SLC4A10: variants seen among roughly 807,000 people sequenced by gnomAD.
SLC4A10 encodes solute carrier family 4 member 10.
SLC4A10 carries 42 observed loss-of-function variants against 137.7 expected under a neutral mutation model. The ratio of observed to expected loss-of-function variants is 0.30; its 90% CI spans 0.24 to 0.39. The LOEUF (loss-of-function observed/expected upper bound fraction) is 0.39, where lower values mean the gene tolerates loss of function less well. Among genes scored for constraint, SLC4A10 ranks in the 10% least tolerant of loss-of-function variants. SLC4A10 has a pLI of 1.00. For missense variants in SLC4A10, 925 were observed against 1,355.0 expected (o/e 0.68, Z 4.98); for synonymous variants, 474 against 464.1 (o/e 1.02, Z -0.27).
chr2:161,819,571 T>C (rs2057432964), intron 3 of SLC4A10, among the ~76,000 whole-genome samples: 1 of 151,998 alleles, frequency 6.6e-6, no homozygotes, highest in East Asian at 1.9e-4. Context: ...CTTGGCTCAC[T>C]GCAACCTCTG....
chr2:161,678,701 T>C (rs1357606687), intron 1 of SLC4A10, among the ~76,000 whole-genome samples: 1 of 152,158 alleles, frequency 6.6e-6, no homozygotes, highest in African/African-American at 2.4e-5. Context: ...TTGAGTTTCA[T>C]ATACACTGAA....
At chr2:161,836,502 G>T (rs1306471085) in intron 3 of SLC4A10, among the ~76,000 whole-genome samples, 1 of 114,504 alleles carries the variant, frequency 8.7e-6, no homozygotes, top group Non-Finnish European at 1.8e-5. Flanking sequence ...AGAAAAGGAA[G>T]AAAAAGAAAG....
chr2:161,765,329 G>A (rs1305348492), intron 1 of SLC4A10, among the ~76,000 whole-genome samples: 1 of 152,082 alleles, frequency 6.6e-6, no homozygotes, highest in Non-Finnish European at 1.5e-5. Flanking sequence ...CAATGGGGCT[G>A]GGCGTGGTGG....
At chr2:161,918,690 C>T (rs1321336948) in intron 15 of SLC4A10, among the ~76,000 whole-genome samples, 2 of 152,170 alleles carry the variant, frequency 1.3e-5, no homozygotes, top group Non-Finnish European at 2.9e-5. Context: ...CCTACTTCAC[C>T]TTGTTCCTTT....
intron 1 of SLC4A10, among the ~76,000 whole-genome samples, chr2:161,631,011 G>A (rs543356601): frequency 6.6e-6 from 1 of 151,796 alleles, no homozygotes; most frequent in African/African-American, 2.4e-5. Flanking sequence ...AAAGTACTCT[G>A]ATACAAGGTG....
chr2:161,813,375 C>T (rs892977466), intron 3 of SLC4A10, among the ~76,000 whole-genome samples: 10 of 152,010 alleles, frequency 6.6e-5, no homozygotes, highest in African/African-American at 2.4e-4. Context: ...CTGCCAGGGG[C>T]AGCATAGTTG....
At chr2:161,880,523 T>C (rs1174285586) in intron 9 of SLC4A10, among the ~76,000 whole-genome samples, 2 of 152,094 alleles carry the variant, frequency 1.3e-5, no homozygotes, top group African/African-American at 4.8e-5. Context: ...ACTGTTCAGA[T>C]TATAGAAAGA....
intron 1 of SLC4A10, among the ~76,000 whole-genome samples, chr2:161,647,521 A>T (rs1327871094): frequency 6.6e-6 from 1 of 152,070 alleles, no homozygotes; most frequent in Non-Finnish European, 1.5e-5. Flanking sequence ...AGTATTATAG[A>T]TATACACCAA....
At chr2:161,863,198 T>C in intron 6 of SLC4A10, 136 bp downstream of exon 6, 2 of 817,742 alleles carry the variant, frequency 2.4e-6, no homozygotes, top group Non-Finnish European at 3.6e-6. Context: ...TCTTTTCACA[T>C]GAGTATATAT....
rs149726360 is a variant in SLC4A10, at chr2:161,748,995, C to A, written c.49-21978C>A. 1.9e-4 allele frequency among the ~76,000 whole-genome samples: 29 copies of A among 151,738 alleles called. No individual in the cohort carries two copies. In the East Asian group the frequency reaches 5.2e-3, roughly 27 times the overall value. Reference sequence around the variant, plus strand: ...TTTTCAGTGTACAGATCTTTTAGTTCTTTGATTAAATTTATTCCTAAGTAT... The same window carrying A: ...TTTTCAGTGTACAGATCTTTTAGTTATTTGATTAAATTTATTCCTAAGTAT... On this transcript the variant is annotated intron_variant, in intron 1 of 26. Transcript: ENST00000446997.
chr2:161,706,840 A>G (rs2043726187), intron 1 of SLC4A10, among the ~76,000 whole-genome samples: 1 of 151,542 alleles, frequency 6.6e-6, no homozygotes, highest in South Asian at 2.1e-4. Context: ...TCTGATCCCT[A>G]GATTAGGGTA....
chr2:161,682,072 C>T (rs1403448932), intron 1 of SLC4A10, among the ~76,000 whole-genome samples: 2 of 152,096 alleles, frequency 1.3e-5, no homozygotes, highest in Non-Finnish European at 2.9e-5. Flanking sequence ...CTCATCCTTA[C>T]TTTGTCCATT....
At chr2:161,966,323 A>G (rs146351955) in intron 23 of SLC4A10, among the ~76,000 whole-genome samples, 221 of 152,314 alleles carry the variant, frequency 1.5e-3, no homozygotes, top group African/African-American at 5.1e-3. Flanking sequence ...ATTTTTCCAA[A>G]TATTGTAGAA....
intron 1 of SLC4A10, among the ~76,000 whole-genome samples, chr2:161,739,359 T>G (rs1401860227): frequency 6.6e-6 from 1 of 152,204 alleles, no homozygotes; most frequent in Non-Finnish European, 1.5e-5. Flanking sequence ...CCTCCTATTT[T>G]GGCCAACCAA....
intron 2 of SLC4A10, among the ~76,000 whole-genome samples, chr2:161,776,650 A>G (rs2052372133): frequency 6.6e-6 from 1 of 151,942 alleles, no homozygotes; most frequent in Admixed American, 6.6e-5. Context: ...TGTGGTTGTG[A>G]ACATAGATGT....
intron 3 of SLC4A10, among the ~76,000 whole-genome samples, chr2:161,808,979 T>G (rs34935338): frequency 0.26 from 39,671 of 152,042 alleles, 7,639 homozygotes; most frequent in African/African-American, 0.55. Context: ...ATTTCTTTGA[T>G]AAATCTCCAA....
intron 2 of SLC4A10, among the ~76,000 whole-genome samples, chr2:161,793,924 C>A (rs181438432): frequency 5.9e-5 from 9 of 151,918 alleles, no homozygotes; most frequent in Non-Finnish European, 1.0e-4. Context: ...ATGATAATTG[C>A]CATGATTGAA....
Position 161,810,912 on chromosome 2 carries a change from A to G in SLC4A10, c.277+6317A>G, listed in dbSNP as rs148528566. Among the ~76,000 whole-genome samples the G allele has an allele frequency of 6.9e-3, 1,056 of 151,998 alleles. 6 individuals carry two copies. Among genetic ancestry groups the G allele is most frequent in the Middle Eastern group, 0.017 (5 of 294 alleles). ...AGTGAGAAGCCTCCCCTCATCCTCA[A>G]TTTTTTGGAAGAGTTTTAGTAGGAT... On this transcript the variant is annotated intron_variant, in intron 3 of 26. Transcript: ENST00000446997.
At chr2:161,811,553 C>T (rs1037880136) in intron 3 of SLC4A10, among the ~76,000 whole-genome samples, 10 of 152,130 alleles carry the variant, frequency 6.6e-5, no homozygotes, top group African/African-American at 1.9e-4. Context: ...ACATCTCCTC[C>T]TAATTTCATT....
Sources: gnomAD v4.1 joint callset for allele counts (sites outside exome capture counted in the v4.1 genomes callset) on GRCh38, gnomAD v4.1.1 for gene constraint, MANE v1.5 for transcripts, NCBI Gene and HGNC (gene_info 2026-07-23, HGNC 2026-07-21) for gene names.